The following ODAM variants were observed in gnomAD, a reference collection of about 807,000 sequenced individuals.
ODAM encodes the protein odontogenic, ameloblast associated.
In ODAM, 55 loss-of-function variants were observed where a neutral mutation model predicts 48.5. The observed-to-expected ratio is 1.13, with a 90% CI of 0.91 to 1.42. The LOEUF is 1.42. ODAM is among the 40% of genes most tolerant of loss of function. The pLI is 0.00. For missense variants in ODAM, 353 were observed against 323.6 expected, an observed-to-expected ratio of 1.09 and a Z score of -0.70; for synonymous variants, 127 against 107.8, an observed-to-expected ratio of 1.18 and a Z score of -1.10.
chr4:70,201,526 A>G, intron 8 of ODAM, 25 bp downstream of exon 8: 1 of 1,298,432 alleles, frequency 7.7e-7, no homozygotes, highest in Non-Finnish European at 1.1e-6. Context: ...ATTTTTCATT[A>G]AAAATATTTT....
intron 11 of ODAM, 81 bp from the exon 12 acceptor site, chr4:70,204,094 T>C (rs1201704827): frequency 6.6e-6 from 1 of 152,014 alleles, no homozygotes; most frequent in Non-Finnish European, 1.5e-5. Context: ...ATTTCTTTAA[T>C]AAGCAATTTG....
In ODAM at chr4:70,201,404, GA is replaced by G. The variant is rs771994418; in HGVS notation, c.529-49del. On this transcript the variant is annotated intron_variant, in intron 7 of 11. Transcript: ENST00000683306. Reference sequence around the variant, plus strand: ...AAGTAATCATTTACTGCAAACTTACGACAAGAATAATCACAGAAAATATAAT... The same window carrying G: ...AAGTAATCATTTACTGCAAACTTACGCAAGAATAATCACAGAAAATATAAT... 7 of 896,092 alleles carry G rather than the reference GA, an allele frequency of 7.8e-6. No homozygotes were observed. In the South Asian group the frequency reaches 1.1e-4, roughly 14 times the overall value. The allele number at this position is 896,092 out of a possible 1,614,324, so 55.5% of individuals were successfully genotyped here.
At chr4:70,202,353 C>T in intron 9 of ODAM, 24 bp downstream of exon 9, 1 of 1,572,700 alleles carries the variant, frequency 6.4e-7, no homozygotes, top group Non-Finnish European at 8.7e-7. Context: ...CAACACTTTG[C>T]CAGCTACTGG....
At chr4:70,196,491 T>G in intron 1 of ODAM, 38 bp from the exon 2 acceptor site, 23 of 1,136,224 alleles carry the variant, frequency 2.0e-5, no homozygotes, top group Non-Finnish European at 2.9e-5. Flanking sequence ...TTTTAAGTAA[T>G]GTCTTTATAA....
intron 1 of ODAM, 148 bp downstream of exon 1, chr4:70,195,941 T>C (rs1729346672): frequency 6.2e-6 from 1 of 161,466 alleles, no homozygotes; most frequent in Non-Finnish European, 1.3e-5. Flanking sequence ...ACAAGAGAAA[T>C]ATACTTAAAC....
intron 6 of ODAM, chr4:70,200,098 G>A (rs964058345): frequency 4.5e-6 from 2 of 445,218 alleles, no homozygotes; most frequent in Non-Finnish European, 9.0e-6. Flanking sequence ...ATTTATTATG[G>A]CAGAACATCT....
In ODAM at chr4:70,197,301, CT is replaced by C. The variant is rs764905887; in HGVS notation, c.125del (p.Leu42CysfsTer39). ...ELLLNLNNGQLLPLQLQGPLN... is the reference protein window; with the variant it reads ...ELLLNLNNGQXLPLQLQGPLN... ...ACTTCTTAATCTTAATAATGGTCAA[CT>C]TTTGCCACTACAACTTCAGGTACCT... On this transcript the variant is annotated frameshift_variant, in exon 4 of 12. Coordinates refer to ENST00000683306, the MANE Select transcript of ODAM (RefSeq NM_017855.4). LOFTEE classifies it high-confidence loss of function. The C allele has an allele frequency of 2.1e-6, 3 of 1,446,994 alleles. No homozygotes were observed. The highest frequency in any genetic ancestry group is 2.9e-6 in the Non-Finnish European group (3 of 1,029,686). The allele number at this position is 1,446,994 out of a possible 1,614,324, so 89.6% of individuals were successfully genotyped here.
At chr4:70,197,001 T>C (rs193206771) in intron 3 of ODAM, among the ~76,000 whole-genome samples, 1 of 152,190 alleles carries the variant, frequency 6.6e-6, no homozygotes, top group African/African-American at 2.4e-5. Context: ...CAGGTGTATA[T>C]AGGTGTTTAA....
chr4:70,196,840 T>TTATGTA, intron 3 of ODAM, 107 bp downstream of exon 3: 1 of 810,026 alleles, frequency 1.2e-6, no homozygotes, highest in Non-Finnish European at 2.0e-6. Flanking sequence ...CCACTAGCTT[T>TTATGTA]TATGTATATC....
rs926857191 is a variant in ODAM, at chr4:70,197,994, G to C, written c.212G>C (p.Gly71Ala). 8 of 1,613,168 alleles carry C rather than the reference G, an allele frequency of 5.0e-6. No individual in the cohort carries two copies. Among genetic ancestry groups the C allele is most frequent in the Non-Finnish European group, 6.8e-6 (8 of 1,179,560 alleles). Residue 71 changes from glycine (G) to alanine (A), a missense_variant, in exon 5 of 12, where the codon GGA becomes GCA. Transcript: ENST00000683306. ...CAGCAGCAGCAGGCTCAAATTCCAG[G>C]ACTCTCCCAGTTCTCTTTATCAGCT... The part of the protein sequence containing the change: ...LQQQQQAQIP[G>A]LSQFSLSALD...
chr4:70,202,181 C>T (rs1287147547), intron 8 of ODAM, 77 bp from the exon 9 acceptor site: 9 of 984,154 alleles, frequency 9.1e-6, no homozygotes, highest in Non-Finnish European at 1.5e-5. Flanking sequence ...TTTTACTACT[C>T]TGGTACTCTG....
At chr4:70,198,533 T>C in intron 5 of ODAM, 46 bp from the exon 6 acceptor site, 1 of 1,437,600 alleles carries the variant, frequency 7.0e-7, no homozygotes, top group South Asian at 1.2e-5. Context: ...GATTTTTAAA[T>C]AACAAAGTCA....
chr4:70,202,486 C>A (rs558745772), intron 9 of ODAM, among the ~76,000 whole-genome samples, 157 bp downstream of exon 9: 22 of 152,014 alleles, frequency 1.4e-4, no homozygotes, highest in Admixed American at 1.1e-3. Context: ...ATTCAGTTCA[C>A]TCTTACTCAG....
rs770572842 is a variant in ODAM at position 70,197,935 on chromosome 4, T to C, written c.153T>C (p.Asn51=). 6.2e-7 allele frequency: 1 copy of C among 1,613,058 alleles called. No homozygotes were observed. The highest frequency in any genetic ancestry group is 1.1e-5 in the South Asian group (1 of 91,034). ...LLPLQLQGPL[N]SWIPPFSGIL... ...TTGTGTCTTTTTAGGGCCCACTTAATTCATGGATTCCACCTTTCTCTGGAA... is the reference window on the plus strand; with the variant it reads ...TTGTGTCTTTTTAGGGCCCACTTAACTCATGGATTCCACCTTTCTCTGGAA... The change falls in exon 5 of 12, where the codon AAT becomes AAC. Residue 51 remains asparagine, a synonymous_variant. Coordinates refer to ENST00000683306, the MANE Select transcript of ODAM (RefSeq NM_017855.4).
At chr4:70,198,221 A>G in intron 5 of ODAM, 64 bp downstream of exon 5, 1 of 1,345,098 alleles carries the variant, frequency 7.4e-7, no homozygotes, top group Non-Finnish European at 1.0e-6. Context: ...CTGACAATGA[A>G]TATGAATCAG....
At position 70,199,029 on chromosome 4, in the gene ODAM, T is replaced by G. The variant is rs192009093; in HGVS notation, c.423+403T>G. On this transcript the variant is annotated intron_variant, in intron 6 of 11. Coordinates refer to ENST00000683306, the MANE Select transcript of ODAM (RefSeq NM_017855.4). Reference sequence around the variant, plus strand: ...ACTAAGCTGATAATATATGATATGATGTAGAGATAAGAAACACTTGCCCAT... The same window carrying G: ...ACTAAGCTGATAATATATGATATGAGGTAGAGATAAGAAACACTTGCCCAT... 8.1e-4 allele frequency among the ~76,000 whole-genome samples: 123 copies of G among 152,130 alleles called. 1 individual carries two copies. Among genetic ancestry groups the G allele is most frequent in the Non-Finnish European group, 1.3e-3 (88 of 67,980 alleles).
chr4:70,203,286 G>A, intron 11 of ODAM, 72 bp downstream of exon 11: 1 of 884,872 alleles, frequency 1.1e-6, no homozygotes, highest in Non-Finnish European at 1.9e-6. Flanking sequence ...GAAAAAAGTT[G>A]GCAGAGGAGC....
intron 6 of ODAM, among the ~76,000 whole-genome samples, chr4:70,199,631 A>G (rs1436535883): frequency 6.6e-6 from 1 of 151,938 alleles, no homozygotes; most frequent in Non-Finnish European, 1.5e-5. Flanking sequence ...TGGTGTTTGA[A>G]AATTACAGAC....
In ODAM at chr4:70,203,182, A is replaced by G. The variant is rs1729546406; in HGVS notation, c.837A>G (p.Pro279=). The G allele has an allele frequency of 6.2e-7, 1 of 1,602,016 alleles. No individual in the cohort carries two copies. The highest frequency in any genetic ancestry group is 1.7e-5 in the Admixed American group (1 of 59,736). Residue 279 remains proline, a synonymous_variant, in exon 11 of 12, where the codon CCA becomes CCG. Coordinates refer to ENST00000683306, the MANE Select transcript of ODAM (RefSeq NM_017855.4). ...ACAAGACTGACAGCCTAAGGGAACC[A>G]TAAGAAGTTGCCCTGATCATTCAGA... is the stretch of plus-strand genomic sequence containing the variant. ...EKDKTDSLRE[P]
Sources: gnomAD v4.1 joint callset for allele counts (sites outside exome capture counted in the v4.1 genomes callset) on GRCh38, gnomAD v4.1.1 for gene constraint, MANE v1.5 for transcripts, NCBI Gene and HGNC (gene_info 2026-07-23, HGNC 2026-07-21) for gene names.